The following RSPO2 variants were observed in gnomAD, a reference collection of about 807,000 sequenced individuals.
The protein encoded by RSPO2 is R-spondin-2.
RSPO2 carries 14 observed loss-of-function variants against 30.9 expected under a neutral mutation model. The ratio of observed to expected loss-of-function variants is 0.45; its 90% CI spans 0.30 to 0.71. The LOEUF is 0.71. RSPO2 is among the 30% of genes least tolerant of loss of function. RSPO2 has a pLI of 0.08. For missense variants in RSPO2, 264 were observed against 301.9 expected (o/e 0.87, Z 0.93); for synonymous variants, 107 against 96.4 (o/e 1.11, Z -0.64).
chr8:107,918,497 TAC>T (rs1486983184), intron 5 of RSPO2, among the ~76,000 whole-genome samples: 3 of 152,136 alleles, frequency 2.0e-5, no homozygotes, highest in Non-Finnish European at 2.9e-5. Context: ...ATCTTGTCTG[TAC>T]AGTCCCTGTA....
intron 5 of RSPO2, among the ~76,000 whole-genome samples, chr8:107,935,801 G>A (rs1050940245): frequency 7.7e-6 from 1 of 130,316 alleles, no homozygotes; most frequent in Non-Finnish European, 1.7e-5. Flanking sequence ...TTTGGCAAAT[G>A]GTGCAGACAC....
At chr8:108,035,808 A>G (rs1037245399) in intron 2 of RSPO2, among the ~76,000 whole-genome samples, 12 of 152,180 alleles carry the variant, frequency 7.9e-5, no homozygotes, top group Non-Finnish European at 5.9e-5. Context: ...AGATTGCCCC[A>G]GAAGAGACTG....
chr8:108,078,903 T>C (rs1172991589), intron 2 of RSPO2, among the ~76,000 whole-genome samples: 1 of 152,142 alleles, frequency 6.6e-6, no homozygotes, highest in East Asian at 1.9e-4. Context: ...GGTATAAAAA[T>C]AGAATGAGGG....
chr8:108,049,066 G>T (rs1450203112), intron 2 of RSPO2, among the ~76,000 whole-genome samples: 3 of 151,794 alleles, frequency 2.0e-5, no homozygotes, highest in Non-Finnish European at 4.4e-5. Context: ...TTTTACATTT[G>T]CTGAGAAGTA....
chr8:107,957,553 A>T (rs1813469001), intron 5 of RSPO2, among the ~76,000 whole-genome samples: 1 of 152,248 alleles, frequency 6.6e-6, no homozygotes, highest in Non-Finnish European at 1.5e-5. Context: ...TCTACAAATT[A>T]TTATCAAAAC....
chr8:108,018,923 C>T (rs887968625), intron 2 of RSPO2, among the ~76,000 whole-genome samples: 3 of 152,150 alleles, frequency 2.0e-5, no homozygotes, highest in African/African-American at 4.8e-5. Context: ...TGCATAGATG[C>T]TTGATAGAGT....
chr8:107,919,629 C>A (rs1489279971), intron 5 of RSPO2, among the ~76,000 whole-genome samples: 1 of 152,086 alleles, frequency 6.6e-6, no homozygotes, highest in Non-Finnish European at 1.5e-5. Flanking sequence ...TAAACTGGCT[C>A]ATCTGACCTT....
chr8:108,045,960 G>A (rs1811897901), intron 2 of RSPO2, among the ~76,000 whole-genome samples: 1 of 152,090 alleles, frequency 6.6e-6, no homozygotes, highest in African/African-American at 2.4e-5. Context: ...TTTATTCACT[G>A]AATTGGAGAA....
At chr8:108,051,286 C>G (rs974621623) in intron 2 of RSPO2, among the ~76,000 whole-genome samples, 37 of 152,040 alleles carry the variant, frequency 2.4e-4, no homozygotes, top group Admixed American at 5.9e-4. Context: ...CAAGTTGAGA[C>G]TGAACATGAC....
intron 2 of RSPO2, among the ~76,000 whole-genome samples, chr8:108,006,208 A>G (rs1586621516): frequency 6.6e-6 from 1 of 152,206 alleles, no homozygotes; most frequent in Non-Finnish European, 1.5e-5. Context: ...CAAAGGGGAA[A>G]AGAAGAGTGA....
intron 2 of RSPO2, among the ~76,000 whole-genome samples, chr8:108,079,553 T>C (rs909487512): frequency 3.9e-5 from 6 of 152,166 alleles, no homozygotes; most frequent in African/African-American, 1.2e-4. Flanking sequence ...ACTGACTAAA[T>C]TATCTAATCT....
At chr8:108,008,896 T>G (rs1810598293) in intron 2 of RSPO2, among the ~76,000 whole-genome samples, 1 of 151,902 alleles carries the variant, frequency 6.6e-6, no homozygotes, top group African/African-American at 2.4e-5. Flanking sequence ...AATGGTAAAT[T>G]TTTTTTGTAT....
At position 107,946,007 on chromosome 8, in the gene RSPO2, A is replaced by G. The variant is rs1176113433; in HGVS notation, c.616+12073T>C. On this transcript the variant is annotated intron_variant, in intron 5 of 5. Coordinates refer to ENST00000276659, the MANE Select transcript of RSPO2 (RefSeq NM_178565.5). Reference sequence around the variant, plus strand: ...TGAATATTTGCTCCCTCTGCCTAACAAAAGTTATAGCAACATTCTAGGTAA... The same window carrying G: ...TGAATATTTGCTCCCTCTGCCTAACGAAAGTTATAGCAACATTCTAGGTAA... Among the ~76,000 whole-genome samples the G allele has an allele frequency of 2.6e-5, 4 of 152,240 alleles. No individual in the cohort carries two copies. In the East Asian group the frequency reaches 5.8e-4, roughly 22 times the overall value.
At chr8:108,000,766 C>T (rs1815216088) in intron 2 of RSPO2, among the ~76,000 whole-genome samples, 1 of 151,936 alleles carries the variant, frequency 6.6e-6, no homozygotes, top group Non-Finnish European at 1.5e-5. Context: ...CTTTGGGAGG[C>T]CAAGGTGGGC....
intron 5 of RSPO2, 125 bp from the exon 6 acceptor site, chr8:107,901,315 A>C: frequency 1.5e-4 from 155 of 1,050,398 alleles, no homozygotes; most frequent in Non-Finnish European, 1.9e-4. Context: ...AAAAAGCCTC[A>C]AAGAGAAAAT....
At chr8:107,972,593 A>C (rs894152754) in intron 3 of RSPO2, among the ~76,000 whole-genome samples, 4 of 152,134 alleles carry the variant, frequency 2.6e-5, no homozygotes, top group African/African-American at 9.7e-5. Flanking sequence ...TAAGAAACAA[A>C]AGGTATGCAC....
At chr8:107,983,131 G>A (rs1814508651) in intron 3 of RSPO2, 1 of 1,464,284 alleles carries the variant, frequency 6.8e-7, no homozygotes, top group East Asian at 2.3e-5. Flanking sequence ...AAGTAATGAA[G>A]GACCCCTCAA....
intron 2 of RSPO2, among the ~76,000 whole-genome samples, chr8:108,011,334 A>C (rs1266127219): frequency 1.3e-5 from 2 of 151,936 alleles, no homozygotes; most frequent in African/African-American, 4.8e-5. Flanking sequence ...AAAAATCGTA[A>C]ATTATATTTA....
intron 3 of RSPO2, among the ~76,000 whole-genome samples, chr8:107,972,735 T>C (rs1563545172): frequency 6.6e-6 from 1 of 152,116 alleles, no homozygotes; most frequent in African/African-American, 2.4e-5. Context: ...CAGATATTAC[T>C]CTTTTACTGA....
Sources: allele counts gnomAD v4.1 joint callset (sites outside exome capture counted in the v4.1 genomes callset), GRCh38; gene constraint gnomAD v4.1.1; transcripts MANE v1.5; gene names NCBI Gene and HGNC (gene_info 2026-07-23, HGNC 2026-07-21).